The following PTPRD variants were observed in gnomAD, a reference collection of about 807,000 sequenced individuals.
PTPRD encodes receptor-type tyrosine-protein phosphatase delta.
A neutral mutation model predicts 214.5 loss-of-function variants in PTPRD; 34 were observed. The ratio of observed to expected loss-of-function variants is 0.16; its 90% CI spans 0.12 to 0.21. The LOEUF (loss-of-function observed/expected upper bound fraction) is 0.21. Ranked by LOEUF, PTPRD falls within the 10% of genes least tolerant of loss-of-function variation. The pLI, the probability that PTPRD is intolerant of heterozygous loss-of-function variation, is 1.00. For synonymous variants in PTPRD, 1,128 were observed against 845.7 expected (o/e 1.33, Z -5.79); for missense variants, 2,545 against 2,398.7 (o/e 1.06, Z -1.27).
At chr9:8,979,621 C>T (rs2099295913) in intron 11 of PTPRD, among the ~76,000 whole-genome samples, 1 of 151,976 alleles carries the variant, frequency 6.6e-6, no homozygotes, top group African/African-American at 2.4e-5. Flanking sequence ...AACTGGCCAA[C>T]AATTATATGA....
intron 34 of PTPRD, chr9:8,437,287 T>TAAAAAA: frequency 7.7e-7 from 1 of 1,291,956 alleles, no homozygotes; most frequent in South Asian, 1.6e-5. Flanking sequence ...AACAAATTCT[T>TAAAAAA]CAAAAAAAAA....
At chr9:9,683,325 A>G (rs1459322445) in intron 7 of PTPRD, among the ~76,000 whole-genome samples, 4 of 151,770 alleles carry the variant, frequency 2.6e-5, no homozygotes, top group African/African-American at 9.7e-5. Context: ...TTGGAAGCCT[A>G]CATAGGGAGT....
intron 5 of PTPRD, among the ~76,000 whole-genome samples, chr9:9,830,085 T>G (rs112980144): frequency 1.6e-3 from 242 of 151,780 alleles, no homozygotes; most frequent in African/African-American, 5.7e-3. Flanking sequence ...CATTATTAAG[T>G]AAAAATAATA....
intron 10 of PTPRD, among the ~76,000 whole-genome samples, chr9:9,083,567 T>C (rs373779456): frequency 1.3e-5 from 2 of 152,158 alleles, no homozygotes; most frequent in South Asian, 4.1e-4. Flanking sequence ...CTAATTAAGC[T>C]AAAGAGCTTT....
chr9:9,170,928 A>C (rs2099913245), intron 10 of PTPRD, among the ~76,000 whole-genome samples: 2 of 152,164 alleles, frequency 1.3e-5, no homozygotes, highest in Admixed American at 1.3e-4. Context: ...TCCAGATGCA[A>C]GTGTGGTGAC....
chr9:9,938,751 C>T (rs186864443), intron 4 of PTPRD, 141 bp from the exon 5 acceptor site: 2 of 152,116 alleles, frequency 1.3e-5, no homozygotes, highest in African/African-American at 4.8e-5. Context: ...AAACTCTTCA[C>T]CTCTATAATT....
chr9:8,913,212 G>A (rs1449486591), intron 11 of PTPRD, among the ~76,000 whole-genome samples: 1 of 151,918 alleles, frequency 6.6e-6, no homozygotes, highest in Admixed American at 6.6e-5. Context: ...GCAATAATTG[G>A]CAATGGGATA....
At chr9:10,165,409 CA>C (rs1276451542) in intron 3 of PTPRD, among the ~76,000 whole-genome samples, 8 of 151,504 alleles carry the variant, frequency 5.3e-5, no homozygotes, top group African/African-American at 1.9e-4. Context: ...TAAGTTAAAA[CA>C]GAATGAAATA....
intron 4 of PTPRD, among the ~76,000 whole-genome samples, chr9:10,013,146 C>A (rs1356937665): frequency 2.0e-5 from 3 of 151,634 alleles, no homozygotes; most frequent in South Asian, 4.2e-4. Flanking sequence ...CCGAGTATAC[C>A]TACAATAAGT....
At chr9:9,799,903 G>A (rs561342245) in intron 5 of PTPRD, among the ~76,000 whole-genome samples, 18 of 152,152 alleles carry the variant, frequency 1.2e-4, no homozygotes, top group South Asian at 4.1e-4. Context: ...AAAAGAAAAA[G>A]ACTTAGAAAC....
At chr9:9,201,569 CATTG>C (rs952516674) in intron 9 of PTPRD, among the ~76,000 whole-genome samples, 2 of 151,828 alleles carry the variant, frequency 1.3e-5, no homozygotes, top group African/African-American at 4.8e-5. Flanking sequence ...TAAAAAAAAA[CATTG>C]ATTTCCTATT....
At chr9:9,920,757 CAT>C (rs2082323570) in intron 5 of PTPRD, among the ~76,000 whole-genome samples, 1 of 152,092 alleles carries the variant, frequency 6.6e-6, no homozygotes, top group African/African-American at 2.4e-5. Flanking sequence ...CTGCTTTTAA[CAT>C]ATCAGAATTC....
At chr9:9,821,251 G>A (rs1038058796) in intron 5 of PTPRD, among the ~76,000 whole-genome samples, 2 of 152,086 alleles carry the variant, frequency 1.3e-5, no homozygotes, top group African/African-American at 4.8e-5. Context: ...ACCAATTTTT[G>A]TAACATTGAT....
chr9:9,213,934 C>T lies in PTPRD; in HGVS notation c.-202-30571G>A, dbSNP rs531037546. On this transcript the variant is annotated intron_variant, in intron 9 of 45. Coordinates refer to ENST00000381196, the MANE Select transcript of PTPRD (RefSeq NM_002839.4). Reference sequence around the variant, plus strand: ...TTTTTCTTGTTTGTACTTTTATTTGCTCACTTTTCTAGAATATCTTCATCT... The same window carrying T: ...TTTTTCTTGTTTGTACTTTTATTTGTTCACTTTTCTAGAATATCTTCATCT... 4.6e-5 allele frequency among the ~76,000 whole-genome samples: 7 copies of T among 151,272 alleles called. No individual in the cohort carries two copies. The East Asian group carries it at 5.8e-4, about 13-fold the overall frequency.
chr9:8,320,296 T>C (rs1826047034), intron 44 of PTPRD, among the ~76,000 whole-genome samples: 1 of 152,140 alleles, frequency 6.6e-6, no homozygotes, highest in Non-Finnish European at 1.5e-5. Context: ...ATGGAGATTC[T>C]GAAATTTACA....
chr9:9,631,222 T>TAAATAAATAAATA (rs1231904436), intron 7 of PTPRD, among the ~76,000 whole-genome samples: 21 of 111,728 alleles, frequency 1.9e-4, no homozygotes, highest in Admixed American at 5.3e-4. Context: ...AATAAATAAA[T>TAAATAAATAAATA]AAAAAGAAAA....
intron 14 of PTPRD, among the ~76,000 whole-genome samples, chr9:8,557,455 T>TAC (rs1554784504): frequency 2.9e-5 from 4 of 135,636 alleles, no homozygotes; most frequent in African/African-American, 1.4e-4. Context: ...TATATATATA[T>TAC]ATTTGGGCCG....
chr9:9,243,793 T>A (rs193251312), intron 9 of PTPRD, among the ~76,000 whole-genome samples: 1,944 of 152,178 alleles, frequency 0.013, 43 homozygotes, highest in African/African-American at 0.045. Context: ...TGGCCAGGGC[T>A]ATCAGGCAGG....
intron 5 of PTPRD, among the ~76,000 whole-genome samples, chr9:9,874,587 CAACTT>C (rs2066352322): frequency 6.6e-6 from 1 of 152,154 alleles, no homozygotes; most frequent in Non-Finnish European, 1.5e-5. Flanking sequence ...AAAATGAACT[CAACTT>C]ACATCATTCT....
Sources: gnomAD v4.1 joint callset for allele counts (sites outside exome capture counted in the v4.1 genomes callset) on GRCh38, gnomAD v4.1.1 for gene constraint, MANE v1.5 for transcripts, NCBI Gene and HGNC (gene_info 2026-07-23, HGNC 2026-07-21) for gene names.